The following NALF1 variants were observed in gnomAD, a reference collection of about 807,000 sequenced individuals.
The protein encoded by NALF1 is family with sequence similarity 155 member A.
Under a neutral mutation model 48.4 loss-of-function variants are expected in NALF1, and 3 were observed. The observed-to-expected ratio is 0.06, with a 90% CI of 0.03 to 0.16. NALF1 has a LOEUF of 0.16. Ranked by LOEUF, NALF1 falls within the 10% of genes least tolerant of loss-of-function variation. The pLI, the probability that NALF1 is intolerant of heterozygous loss-of-function variation, is 1.00. For missense variants in NALF1, 526 were observed against 571.5 expected (o/e 0.92, Z 0.81); for synonymous variants, 262 against 245.7 (o/e 1.07, Z -0.62).
chr13:107,199,032 G>A (rs1183416547), intron 2 of NALF1, among the ~76,000 whole-genome samples: 1 of 151,630 alleles, frequency 6.6e-6, no homozygotes, highest in Non-Finnish European at 1.5e-5. Flanking sequence ...TTTAGGGTGG[G>A]TCCTAGTTCA....
intron 1 of NALF1, among the ~76,000 whole-genome samples, chr13:107,799,789 G>C (rs1244280922): frequency 1.3e-5 from 2 of 152,136 alleles, no homozygotes; most frequent in African/African-American, 4.8e-5. Context: ...CGGGGTTCCA[G>C]ATATTTTTCA....
chr13:107,783,224 G>A lies in NALF1; in HGVS notation c.915+82458C>T, dbSNP rs1488310595. Among the ~76,000 whole-genome samples, 6 of 122,882 alleles carry A rather than the reference G, an allele frequency of 4.9e-5. 1 individual carries two copies. Among genetic ancestry groups the A allele is most frequent in the South Asian group, 2.9e-4 (1 of 3,502 alleles). The allele number at this position is 122,882 out of a possible 152,430, so 80.6% of individuals were successfully genotyped here. ...AGTCCCCCGCCCGGCCAGCCGCCCC[G>A]TCCGGGAGGGAGGTGGGGGGGTCAG... is the stretch of plus-strand genomic sequence containing the variant. On this transcript the variant is annotated intron_variant, in intron 1 of 2. Transcript: ENST00000375915.
In NALF1 at chr13:107,193,583, C is replaced by A. The variant is rs532718871; in HGVS notation, c.1087+17001G>T. ...TTTTGGGGAGCAGTCCTCCCCAGTTCAATGGATGCAGTTCAGGTGGGGCTA... is the reference window on the plus strand; with the variant it reads ...TTTTGGGGAGCAGTCCTCCCCAGTTAAATGGATGCAGTTCAGGTGGGGCTA... On this transcript the variant is annotated intron_variant, in intron 2 of 2. Coordinates refer to ENST00000375915, the MANE Select transcript of NALF1 (RefSeq NM_001080396.3). Among the ~76,000 whole-genome samples, 25 of 152,090 alleles carry A rather than the reference C, an allele frequency of 1.6e-4. 1 individual carries two copies. The highest frequency in any genetic ancestry group is 3.1e-4 in the Non-Finnish European group (21 of 68,006).
chr13:107,420,990 C>T (rs1884176127), intron 1 of NALF1, among the ~76,000 whole-genome samples: 1 of 152,242 alleles, frequency 6.6e-6, no homozygotes, highest in Admixed American at 6.5e-5. Context: ...GTCTTATCTA[C>T]TATTACCAAA....
chr13:107,182,999 C>T (rs545333976), intron 2 of NALF1, among the ~76,000 whole-genome samples: 197 of 152,228 alleles, frequency 1.3e-3, no homozygotes, highest in African/African-American at 4.6e-3. Context: ...ACATGAAGAG[C>T]AAAATTAAGG....
At chr13:107,349,632 T>G (rs531394764) in intron 1 of NALF1, among the ~76,000 whole-genome samples, 1 of 151,766 alleles carries the variant, frequency 6.6e-6, no homozygotes, top group East Asian at 1.9e-4. Context: ...TCCCAGCTAC[T>G]TGGAAAGCTG....
At chr13:107,378,281 A>T (rs1883373723) in intron 1 of NALF1, among the ~76,000 whole-genome samples, 1 of 152,180 alleles carries the variant, frequency 6.6e-6, no homozygotes, top group African/African-American at 2.4e-5. Context: ...TTCTTCAAGA[A>T]ATATCACTAA....
At chr13:107,303,064 T>C (rs1881868843) in intron 1 of NALF1, among the ~76,000 whole-genome samples, 1 of 152,192 alleles carries the variant, frequency 6.6e-6, no homozygotes, top group African/African-American at 2.4e-5. Flanking sequence ...TTGTTGTTGT[T>C]TGATTTTGTT....
At position 107,731,672 on chromosome 13, in the gene NALF1, C is replaced by T. The variant is rs143811368; in HGVS notation, c.915+134010G>A. 3.4e-3 allele frequency among the ~76,000 whole-genome samples: 519 copies of T among 152,230 alleles called. 1 individual carries two copies. The highest frequency in any genetic ancestry group is 0.01 in the Middle Eastern group (3 of 294). Reference sequence around the variant, plus strand: ...GGCAGTATTTGTTTTCCTGTTCCTGCATTAGTTTGCTAAGGATGATGGCCT... The same window carrying T: ...GGCAGTATTTGTTTTCCTGTTCCTGTATTAGTTTGCTAAGGATGATGGCCT... On this transcript the variant is annotated intron_variant, in intron 1 of 2. Coordinates refer to ENST00000375915, the MANE Select transcript of NALF1 (RefSeq NM_001080396.3).
chr13:107,639,187 C>T (rs995762817), intron 1 of NALF1, among the ~76,000 whole-genome samples: 1 of 152,142 alleles, frequency 6.6e-6, no homozygotes, highest in African/African-American at 2.4e-5. Context: ...TCTAATCCAT[C>T]CTCCATGGCA....
chr13:107,437,833 C>T (rs1322846389), intron 1 of NALF1, among the ~76,000 whole-genome samples: 1 of 152,118 alleles, frequency 6.6e-6, no homozygotes, highest in Non-Finnish European at 1.5e-5. Flanking sequence ...TGCACCACTT[C>T]ATTTAATATA....
rs1440821120 is a variant in NALF1, at chr13:107,168,725, T to A, written c.*1772A>T. On this transcript the variant is annotated 3_prime_UTR_variant, in exon 3 of 3. Coordinates refer to ENST00000375915, the MANE Select transcript of NALF1 (RefSeq NM_001080396.3). ...AACAGACTGGAACGAAACATTTTTT[T>A]TCAAAACAAAATATGCATACTGTAC... is the stretch of plus-strand genomic sequence containing the variant. 6.6e-6 allele frequency: 1 copy of A among 152,654 alleles called. No individual in the cohort carries two copies. The highest frequency in any genetic ancestry group is 1.5e-5 in the Non-Finnish European group (1 of 68,048). 9.5% of individuals were successfully genotyped at this position (152,654 alleles called of 1,614,324 possible). A position where few individuals can be genotyped will look rare whatever the true frequency, so the allele number is the denominator to read the frequency against.
At chr13:107,340,223 C>T (rs1226256820) in intron 1 of NALF1, among the ~76,000 whole-genome samples, 1 of 150,422 alleles carries the variant, frequency 6.6e-6, no homozygotes, top group African/African-American at 2.4e-5. Flanking sequence ...TCACTGCAAC[C>T]TCTGCCTCCC....
chr13:107,779,111 A>AT (rs1877818278), intron 1 of NALF1, among the ~76,000 whole-genome samples: 1 of 152,244 alleles, frequency 6.6e-6, no homozygotes, highest in African/African-American at 2.4e-5. Flanking sequence ...GAGATGAAAT[A>AT]TTTTTGCAGC....
intron 1 of NALF1, among the ~76,000 whole-genome samples, chr13:107,261,142 TA>T (rs1419464554): frequency 6.6e-6 from 1 of 152,214 alleles, no homozygotes; most frequent in Non-Finnish European, 1.5e-5. Context: ...TGGGTAAAAT[TA>T]AAAAGTAAAT....
intron 1 of NALF1, among the ~76,000 whole-genome samples, chr13:107,512,853 C>A (rs893537579): frequency 2.6e-5 from 4 of 152,160 alleles, no homozygotes; most frequent in African/African-American, 9.7e-5. Context: ...TCCACCCGCT[C>A]CCTTTTTTAG....
rs1160408614 is a variant in NALF1 at position 107,166,226 on chromosome 13, C to T, written c.*4271G>A. ...CCAAGGTCAGGAGTTCAAGACTAGC[C>T]TGGCCAACATGGCGACACCACGTCT... On this transcript the variant is annotated 3_prime_UTR_variant, in exon 3 of 3. Coordinates refer to ENST00000375915, the MANE Select transcript of NALF1 (RefSeq NM_001080396.3). The T allele has an allele frequency of 6.6e-6, 1 of 152,168 alleles. No individual in the cohort carries two copies. Among genetic ancestry groups the T allele is most frequent in the African/African-American group, 2.4e-5 (1 of 41,424 alleles). 9.4% of individuals were successfully genotyped at this position (152,168 alleles called of 1,614,324 possible).
intron 1 of NALF1, among the ~76,000 whole-genome samples, chr13:107,339,190 G>A (rs2138932284): frequency 6.6e-6 from 1 of 150,766 alleles, no homozygotes; most frequent in African/African-American, 2.4e-5. Flanking sequence ...TCTAGTAACT[G>A]CAATGAAATA....
intron 1 of NALF1, among the ~76,000 whole-genome samples, chr13:107,442,136 A>AGGCAG (rs1450949078): frequency 2.0e-5 from 3 of 152,124 alleles, no homozygotes; most frequent in Admixed American, 2.0e-4. Flanking sequence ...GGCAGCCTAT[A>AGGCAG]GGCAGGAATA....
Sources: allele counts gnomAD v4.1 joint callset (sites outside exome capture counted in the v4.1 genomes callset), GRCh38; gene constraint gnomAD v4.1.1; transcripts MANE v1.5; gene names NCBI Gene and HGNC (gene_info 2026-07-23, HGNC 2026-07-21).